SWT1: variants seen among roughly 807,000 people sequenced by gnomAD.
SWT1 encodes the protein transcriptional protein SWT1.
Under a neutral mutation model 107.3 loss-of-function variants are expected in SWT1, and 33 were observed. That is an observed-to-expected ratio of 0.31 (90% CI 0.23 to 0.41). SWT1 has a LOEUF of 0.41. Among genes scored for constraint, SWT1 ranks in the 10% least tolerant of loss-of-function variants. SWT1 has a pLI of 1.00. For missense variants in SWT1, 898 were observed against 1,028.9 expected, an observed-to-expected ratio of 0.87 and a Z score of 1.74; for synonymous variants, 345 against 348.3, an observed-to-expected ratio of 0.99 and a Z score of 0.11.
chr1:185,170,194 C>T (rs781149728), intron 4 of SWT1, among the ~76,000 whole-genome samples: 10 of 152,192 alleles, frequency 6.6e-5, no homozygotes, highest in Non-Finnish European at 1.5e-4. Flanking sequence ...TAGGCAAGCT[C>T]TTTTAAAAAC....
intron 16 of SWT1, among the ~76,000 whole-genome samples, chr1:185,243,047 C>A (rs1471275235): frequency 6.6e-6 from 1 of 152,140 alleles, no homozygotes; most frequent in African/African-American, 2.4e-5. Flanking sequence ...TCTTACAAAG[C>A]AGTTATATAA....
chr1:185,183,616 T>G (rs1656210520), intron 7 of SWT1, among the ~76,000 whole-genome samples: 1 of 152,184 alleles, frequency 6.6e-6, no homozygotes, highest in South Asian at 2.1e-4. Context: ...ATCTTTCAAT[T>G]ATATTCACTC....
chr1:185,162,338 C>T (rs1654220617), intron 2 of SWT1, among the ~76,000 whole-genome samples: 1 of 152,212 alleles, frequency 6.6e-6, no homozygotes, highest in East Asian at 1.9e-4. Flanking sequence ...CAGTATTTGA[C>T]ATAGCTAATT....
intron 5 of SWT1, among the ~76,000 whole-genome samples, chr1:185,178,855 T>C (rs1655790939): frequency 6.6e-6 from 1 of 152,186 alleles, no homozygotes; most frequent in Non-Finnish European, 1.5e-5. Flanking sequence ...GTGAAGTGTG[T>C]TGTTATATCA....
chr1:185,269,007 T>C (rs538436061), intron 16 of SWT1, among the ~76,000 whole-genome samples: 68 of 151,890 alleles, frequency 4.5e-4, no homozygotes, highest in African/African-American at 1.3e-3. Context: ...CGCCCGCCAC[T>C]ACGCCCGGCT....
At chr1:185,221,777 C>A in intron 14 of SWT1, 72 bp from the exon 15 acceptor site, 2 of 1,049,340 alleles carry the variant, frequency 1.9e-6, no homozygotes, top group Non-Finnish European at 2.7e-6. Context: ...TTTGTAAGCA[C>A]AGTTGCCACT....
chr1:185,185,877 A>T (rs1444224154), intron 9 of SWT1, among the ~76,000 whole-genome samples: 1 of 152,282 alleles, frequency 6.6e-6, no homozygotes, highest in South Asian at 2.1e-4. Flanking sequence ...TATAATGCTT[A>T]TGAATTTTGA....
At chr1:185,179,613 G>A (rs1229499682) in intron 5 of SWT1, among the ~76,000 whole-genome samples, 1 of 152,122 alleles carries the variant, frequency 6.6e-6, no homozygotes, top group African/African-American at 2.4e-5. Context: ...GTTTTATCAT[G>A]TCACTTGTAG....
chr1:185,160,193 T>C (rs1654022696), intron 1 of SWT1, among the ~76,000 whole-genome samples: 1 of 152,094 alleles, frequency 6.6e-6, no homozygotes, highest in Non-Finnish European at 1.5e-5. Context: ...CTAATTGGCT[T>C]TGAAGTGTGG....
In SWT1 at chr1:185,184,878, A is replaced by G; in HGVS notation, c.1376A>G (p.Asn459Ser). The change falls in exon 9 of 19, where the codon AAT (asparagine) becomes AGT (serine). Residue 459 changes from asparagine (N) to serine (S), a missense_variant. Transcript: ENST00000367500. ...CATTTCATCAACGACAGTCTCAAAAATCAAGATAGAAAGCTATGGGGTCAG... is the reference window on the plus strand; with the variant it reads ...CATTTCATCAACGACAGTCTCAAAAGTCAAGATAGAAAGCTATGGGGTCAG... ...AVHFINDSLK[N>S]QDRKLWGQSI... The G allele has an allele frequency of 6.5e-7, 1 of 1,541,916 alleles. No homozygotes were observed. The highest frequency in any genetic ancestry group is 8.7e-7 in the Non-Finnish European group (1 of 1,148,946).
chr1:185,279,407 C>T (rs984665141), intron 18 of SWT1, among the ~76,000 whole-genome samples: 4 of 151,902 alleles, frequency 2.6e-5, no homozygotes, highest in Non-Finnish European at 5.9e-5. Flanking sequence ...AGTAGTTGTA[C>T]TATTTTTTTT....
At chr1:185,205,884 C>T (rs7540216) in intron 12 of SWT1, among the ~76,000 whole-genome samples, 5,484 of 152,162 alleles carry the variant, frequency 0.036, 219 homozygotes, top group African/African-American at 0.087. Flanking sequence ...AAAGGAAGTG[C>T]TGACATCTTA....
At chr1:185,218,765 A>G (rs1450570440) in intron 14 of SWT1, among the ~76,000 whole-genome samples, 1 of 152,226 alleles carries the variant, frequency 6.6e-6, no homozygotes. Context: ...TCAGACTTAC[A>G]TGCCTCAGGA....
intron 9 of SWT1, among the ~76,000 whole-genome samples, chr1:185,186,570 G>A (rs1656482226): frequency 6.6e-6 from 1 of 151,512 alleles, no homozygotes; most frequent in African/African-American, 2.4e-5. Flanking sequence ...CACTATATTT[G>A]GAAAAACATT....
chr1:185,176,025 C>T (rs539466957), intron 5 of SWT1, among the ~76,000 whole-genome samples: 2 of 152,114 alleles, frequency 1.3e-5, no homozygotes, highest in African/African-American at 4.8e-5. Flanking sequence ...TACAATGGCT[C>T]ACGCCTGTAA....
intron 13 of SWT1, among the ~76,000 whole-genome samples, chr1:185,211,423 A>G (rs1036663169): frequency 6.6e-6 from 1 of 152,200 alleles, no homozygotes; most frequent in South Asian, 2.1e-4. Context: ...TATTTTTATA[A>G]GTTACCAATT....
chr1:185,176,361 A>G (rs565759942), intron 5 of SWT1, among the ~76,000 whole-genome samples: 2 of 150,264 alleles, frequency 1.3e-5, no homozygotes, highest in Admixed American at 1.3e-4. Flanking sequence ...GACCTAAAGA[A>G]TGAGTCGAAG....
chr1:185,178,530 C>G (rs951218921), intron 5 of SWT1, among the ~76,000 whole-genome samples: 1 of 152,118 alleles, frequency 6.6e-6, no homozygotes, highest in Admixed American at 6.5e-5. Flanking sequence ...TTATCCCAAC[C>G]TATGTATTTG....
intron 16 of SWT1, among the ~76,000 whole-genome samples, chr1:185,268,855 T>C (rs970278058): frequency 1.7e-4 from 25 of 142,944 alleles, no homozygotes; most frequent in East Asian, 3.9e-4. Flanking sequence ...CTTTTTCTCT[T>C]TTTTTTTTTT....
Sources: allele counts gnomAD v4.1 joint callset (sites outside exome capture counted in the v4.1 genomes callset), GRCh38; gene constraint gnomAD v4.1.1; transcripts MANE v1.5; gene names NCBI Gene and HGNC (gene_info 2026-07-23, HGNC 2026-07-21).